C18orf54: variants seen among roughly 807,000 people sequenced by gnomAD.
The protein encoded by C18orf54 is chromosome 18 open reading frame 54, also known as lung adenoma susceptibility protein 2.
A neutral mutation model predicts 49.3 loss-of-function variants in C18orf54; 49 were observed. The ratio of observed to expected loss-of-function variants is 0.99; its 90% CI spans 0.79 to 1.26. C18orf54 has a LOEUF of 1.26. C18orf54 is among the 50% of genes most tolerant of loss of function. The probability of loss-of-function intolerance (pLI) is 0.00; values close to 1 mark genes in which losing one functional copy is unlikely to be tolerated. For missense variants in C18orf54, 687 were observed against 620.6 expected, an observed-to-expected ratio of 1.11 and a Z score of -1.14; for synonymous variants, 211 against 216.6, an observed-to-expected ratio of 0.97 and a Z score of 0.23.
intron 3 of C18orf54, 107 bp downstream of exon 3, chr18:54,360,962 AAAT>A: frequency 4.6e-6 from 5 of 1,085,788 alleles, no homozygotes; most frequent in Non-Finnish European, 5.3e-6. Flanking sequence ...TTTGGAGTAA[AAAT>A]AACATAATAT....
Position 54,378,204 on chromosome 18 carries a change from C to A in C18orf54, c.1560C>A (p.Asp520Glu). 1 of 1,613,236 alleles carries A rather than the reference C, an allele frequency of 6.2e-7. No individual in the cohort carries two copies. Among genetic ancestry groups the A allele is most frequent in the Non-Finnish European group, 8.5e-7 (1 of 1,179,572 alleles). Residue 520 changes from aspartate (D) to glutamate (E), a missense_variant, in exon 9 of 9, where the codon GAC becomes GAA. Transcript: ENST00000620105. ...KALHHLSRLR[D>E]LVDDTNGERS... ...TGCACCATTTATCTCGCCTGAGAGA[C>A]CTGGTTGATGATACGAATGGAGAAC...
chr18:54,365,435 G>T (rs1054461892), intron 5 of C18orf54, among the ~76,000 whole-genome samples: 1 of 151,964 alleles, frequency 6.6e-6, no homozygotes, highest in East Asian at 1.9e-4. Flanking sequence ...AGCACAGTCT[G>T]TAGTTCAGGC....
In C18orf54 at chr18:54,361,782, T is replaced by A. The variant is rs539923882; in HGVS notation, c.423T>A (p.Tyr141Ter). ...LPADGSFSYT[Y>*]VGPSHRTSKK... is the part of the protein sequence containing the mutation. Reference sequence around the variant, plus strand: ...CAGATGGATCATTTTCTTATACTTATGTTGGACCGAGTCACCGAACGAGCA... The same window carrying A: ...CAGATGGATCATTTTCTTATACTTAAGTTGGACCGAGTCACCGAACGAGCA... Residue 141 changes from tyrosine to a stop codon, truncating the protein, a stop_gained, in exon 4 of 9, where the codon TAT (tyrosine) becomes TAA (stop). Coordinates refer to ENST00000620105, the MANE Select transcript of C18orf54 (RefSeq NM_001288980.2). LOFTEE classifies it high-confidence loss of function. 1 of 1,614,084 alleles carries A rather than the reference T, an allele frequency of 6.2e-7. No homozygotes were observed. Among genetic ancestry groups the A allele is most frequent in the Admixed American group, 1.7e-5 (1 of 60,022 alleles).
chr18:54,362,484 A>G, intron 4 of C18orf54, 53 bp downstream of exon 4: 1 of 1,373,632 alleles, frequency 7.3e-7, no homozygotes, highest in Non-Finnish European at 9.5e-7. Context: ...TTTTAAACCA[A>G]AAGAAGTGCT....
intron 8 of C18orf54, among the ~76,000 whole-genome samples, chr18:54,374,661 C>A (rs918037752): frequency 6.6e-6 from 1 of 151,748 alleles, no homozygotes; most frequent in Non-Finnish European, 1.5e-5. Flanking sequence ...TGATTTGGAA[C>A]ATCATTACAG....
Position 54,362,202 on chromosome 18 carries a change from G to T in C18orf54, c.843G>T (p.Gln281His), listed in dbSNP as rs148606843. 1.3e-6 allele frequency: 2 copies of T among 1,536,118 alleles called. No individual in the cohort carries two copies. Among genetic ancestry groups the T allele is most frequent in the Non-Finnish European group, 1.7e-6 (2 of 1,146,892 alleles). Residue 281 changes from glutamine to histidine, a missense_variant, in exon 4 of 9, where the codon CAG (glutamine) becomes CAT (histidine). By Grantham distance (24) the Gln-to-His change is conservative. Coordinates refer to ENST00000620105, the MANE Select transcript of C18orf54 (RefSeq NM_001288980.2). The part of the protein sequence containing the change: ...LPDANSQRVY[Q>H]IFKDDQCSPR... ...ATGCAAATAGTCAAAGGGTTTATCA[G>T]ATATTTAAAGATGATCAGTGTTCCC... is the stretch of plus-strand genomic sequence containing the variant.
Position 54,378,817 on chromosome 18 carries a change from CTG to C in C18orf54, c.*575_*576del, listed in dbSNP as rs2089618905. 6.6e-6 allele frequency: 1 copy of C among 152,022 alleles called. No homozygotes were observed. The highest frequency in any genetic ancestry group is 2.1e-4 in the South Asian group (1 of 4,826). 9.4% of individuals were successfully genotyped at this position (152,022 alleles called of 1,614,324 possible). On this transcript the variant is annotated 3_prime_UTR_variant, in exon 9 of 9. Transcript: ENST00000620105. Reference sequence around the variant, plus strand: ...AAATTGCATTAATAGTGGGGTGATACTGTGTTAAAAGGAATGTTGTGTTGTGA... The same window carrying C: ...AAATTGCATTAATAGTGGGGTGATACTGTTAAAAGGAATGTTGTGTTGTGA...
intron 7 of C18orf54, among the ~76,000 whole-genome samples, chr18:54,373,058 T>C (rs2089516424): frequency 1.3e-5 from 2 of 151,900 alleles, no homozygotes; most frequent in African/African-American, 4.8e-5. Flanking sequence ...TATCAAGTTT[T>C]ATTTTAGAGC....
intron 4 of C18orf54, 61 bp downstream of exon 4, chr18:54,362,492 G>A: frequency 1.5e-6 from 2 of 1,334,534 alleles, no homozygotes; most frequent in Non-Finnish European, 2.0e-6. Flanking sequence ...CAAAAGAAGT[G>A]CTGTAAAGTT....
intron 8 of C18orf54, among the ~76,000 whole-genome samples, chr18:54,376,590 TC>T (rs769650117): frequency 1.5e-4 from 23 of 152,332 alleles, no homozygotes; most frequent in African/African-American, 4.3e-4. Context: ...CACCTCGGCC[TC>T]CCAAAGTGCT....
chr18:54,361,538 T>G, intron 3 of C18orf54, 105 bp from the exon 4 acceptor site: 1 of 972,824 alleles, frequency 1.0e-6, no homozygotes, highest in Non-Finnish European at 1.5e-6. Flanking sequence ...TTAGTGAGGA[T>G]AAGGGGAAAG....
intron 5 of C18orf54, among the ~76,000 whole-genome samples, chr18:54,363,406 C>T (rs1345696959): frequency 6.6e-6 from 1 of 152,136 alleles, no homozygotes; most frequent in Non-Finnish European, 1.5e-5. Flanking sequence ...CAACCTCCGC[C>T]TCCTGGGTTC....
At position 54,378,991 on chromosome 18, in the gene C18orf54, T is replaced by TG; in HGVS notation, c.*749dup. 1 of 152,224 alleles carries TG rather than the reference T, an allele frequency of 6.6e-6. No individual in the cohort carries two copies. Among genetic ancestry groups the TG allele is most frequent in the South Asian group, 2.1e-4 (1 of 4,832 alleles). The allele number at this position is 152,224 out of a possible 1,614,324, so 9.4% of individuals were successfully genotyped here. ...TAGATTGTTTCCCAGATTTTAATTT[T>TG]GGGGTTGGCTCAAACTAGTGAAAAC... is the stretch of plus-strand genomic sequence containing the variant. On this transcript the variant is annotated 3_prime_UTR_variant, in exon 9 of 9. Coordinates refer to ENST00000620105, the MANE Select transcript of C18orf54 (RefSeq NM_001288980.2).
chr18:54,370,017 A>G (rs1411181763), intron 6 of C18orf54, among the ~76,000 whole-genome samples: 1 of 152,066 alleles, frequency 6.6e-6, no homozygotes, highest in East Asian at 1.9e-4. Context: ...ACAATAATAA[A>G]ACATAATTTA....
At chr18:54,377,673 T>G (rs1233077386) in intron 8 of C18orf54, among the ~76,000 whole-genome samples, 1 of 152,184 alleles carries the variant, frequency 6.6e-6, no homozygotes, top group Non-Finnish European at 1.5e-5. Context: ...CAGCTTCCCC[T>G]ATGATCAATA....
rs776014233 is a variant in C18orf54 at position 54,360,884 on chromosome 18, G to A, written c.283+29G>A. 3 of 1,583,018 alleles carry A rather than the reference G, an allele frequency of 1.9e-6. No individual in the cohort carries two copies. In the South Asian group the frequency reaches 3.4e-5, roughly 18 times the overall value. ...TGCTTTTATTCTTTGTTTTCTTTGT[G>A]TTCAGATGTTTTGAAGCATTTGGGA... On this transcript the variant is annotated intron_variant, in intron 3 of 8. Coordinates refer to ENST00000620105, the MANE Select transcript of C18orf54 (RefSeq NM_001288980.2).
intron 6 of C18orf54, among the ~76,000 whole-genome samples, chr18:54,368,911 G>A (rs1461295345): frequency 2.0e-5 from 3 of 152,036 alleles, no homozygotes; most frequent in African/African-American, 7.2e-5. Context: ...AATTAGTTAC[G>A]CTGCTGTTCA....
intron 6 of C18orf54, among the ~76,000 whole-genome samples, chr18:54,366,303 G>A (rs902640175): frequency 2.0e-5 from 3 of 151,708 alleles, no homozygotes; most frequent in African/African-American, 7.3e-5. Context: ...ACCTTTCCCA[G>A]TCTCCGGTAA....
Position 54,380,240 on chromosome 18 carries a change from A to G in C18orf54, c.*1994A>G, listed in dbSNP as rs1367388333. ...AGGGTTCTTTTTAGGTTTCCAGGGG[A>G]AAAGAGCAGGATAACAGTGTGGAGA... On this transcript the variant is annotated 3_prime_UTR_variant, in exon 9 of 9. Coordinates refer to ENST00000620105, the MANE Select transcript of C18orf54 (RefSeq NM_001288980.2). The G allele has an allele frequency of 6.6e-6, 1 of 152,018 alleles. No individual in the cohort carries two copies. The highest frequency in any genetic ancestry group is 1.5e-5 in the Non-Finnish European group (1 of 67,904). The allele number at this position is 152,018 out of a possible 1,614,324, so 9.4% of individuals were successfully genotyped here.
Sources: gnomAD v4.1 joint callset for allele counts (sites outside exome capture counted in the v4.1 genomes callset) on GRCh38, gnomAD v4.1.1 for gene constraint, MANE v1.5 for transcripts, NCBI Gene and HGNC (gene_info 2026-07-23, HGNC 2026-07-21) for gene names.